LOXL2: variants seen among roughly 807,000 people sequenced by gnomAD.
The protein encoded by LOXL2 is lysyl oxidase homolog 2.
In LOXL2, 70 loss-of-function variants were observed where a neutral mutation model predicts 93.0. That is an observed-to-expected ratio of 0.75 (90% confidence interval 0.62 to 0.92). LOXL2 has a LOEUF of 0.92. LOXL2 is among the 40% of genes least tolerant of loss of function. The pLI is 0.00. For synonymous variants in LOXL2, 438 were observed against 413.2 expected, an observed-to-expected ratio of 1.06 and a Z score of -0.73; for missense variants, 973 against 1,054.9, an observed-to-expected ratio of 0.92 and a Z score of 1.08.
At chr8:23,317,956 GTAT>G (rs1227744778) in intron 8 of LOXL2, among the ~76,000 whole-genome samples, 1 of 99,148 alleles carries the variant, frequency 1.0e-5, no homozygotes, top group Admixed American at 9.3e-5. Flanking sequence ...GGCCTTGGAA[GTAT>G]TAGTATCTCA....
rs1452426202 is a variant in LOXL2, at chr8:23,319,050, T to G, written c.1470+835A>C. Among the ~76,000 whole-genome samples, 4 of 152,330 alleles carry G rather than the reference T, an allele frequency of 2.6e-5. No homozygotes were observed. The East Asian group carries it at 5.8e-4, about 22-fold the overall frequency. On this transcript the variant is annotated intron_variant, in intron 8 of 13. Coordinates refer to ENST00000389131, the MANE Select transcript of LOXL2 (RefSeq NM_002318.3). ...GGGGAAGGAGAGCTGGAGTCAGGGT[T>G]AACAACACAAGAGCAGGGTCTCCAA...
rs567951088 is a variant in LOXL2 at position 23,298,886 on chromosome 8, C to T, written c.2195G>A (p.Cys732Tyr). The change falls in exon 13 of 14, where the codon TGC (cysteine) becomes TAC (tyrosine). Residue 732 changes from cysteine (C) to tyrosine (Y), a missense_variant. By Grantham distance (194) the Cys-to-Tyr change is radical. Transcript: ENST00000389131. ...GCGGTGGCCGTCATAGCGGCTCCTG[C>T]ATTTCATGATGTTGTTGGAGTAATC... Reference protein sequence around the residue: ...ESDYSNNIMKCRSRYDGHRIW... With the variant: ...ESDYSNNIMKYRSRYDGHRIW... 3 of 1,614,064 alleles carry T rather than the reference C, an allele frequency of 1.9e-6. No individual in the cohort carries two copies. Among genetic ancestry groups the T allele is most frequent in the Non-Finnish European group, 2.5e-6 (3 of 1,179,958 alleles).
intron 1 of LOXL2, among the ~76,000 whole-genome samples, chr8:23,376,668 G>A (rs918253751): frequency 6.6e-6 from 1 of 152,154 alleles, no homozygotes; most frequent in African/African-American, 2.4e-5. Flanking sequence ...TTAGTCTTGG[G>A]AGAGTGTATG....
intron 12 of LOXL2, 141 bp downstream of exon 12, chr8:23,301,886 T>C: frequency 1.0e-6 from 1 of 1,004,184 alleles, no homozygotes; most frequent in Non-Finnish European, 1.5e-6. Flanking sequence ...TGATGGACCG[T>C]GATGGCCTCT....
At chr8:23,374,565 A>G (rs1344396157) in intron 1 of LOXL2, among the ~76,000 whole-genome samples, 2 of 152,228 alleles carry the variant, frequency 1.3e-5, no homozygotes, top group Non-Finnish European at 2.9e-5. Context: ...CAGTCCCACC[A>G]ACAGTGTAAA....
rs138150867 is a variant in LOXL2 at position 23,328,241 on chromosome 8, C to T, written c.1150+141G>A. Reference sequence around the variant, plus strand: ...CCTTTCAACTCTGTCTAGGGAGAGGCCTGGGATTCTCTCCCAGGCAGCCAC... The same window carrying T: ...CCTTTCAACTCTGTCTAGGGAGAGGTCTGGGATTCTCTCCCAGGCAGCCAC... On this transcript the variant is annotated intron_variant, in intron 6 of 13. Coordinates refer to ENST00000389131, the MANE Select transcript of LOXL2 (RefSeq NM_002318.3). 1.6e-4 allele frequency: 128 copies of T among 821,476 alleles called. No homozygotes were observed. In the African/African-American group the frequency reaches 1.6e-3, roughly 10 times the overall value. The allele number at this position is 821,476 out of a possible 1,614,324, so 50.9% of individuals were successfully genotyped here.
At chr8:23,305,639 G>T (rs1469703685) in intron 10 of LOXL2, among the ~76,000 whole-genome samples, 1 of 151,902 alleles carries the variant, frequency 6.6e-6, no homozygotes, top group Non-Finnish European at 1.5e-5. Context: ...CGTGACCCTT[G>T]GGCATCTAGG....
At chr8:23,336,417 G>C (rs1310740760) in intron 4 of LOXL2, 1 of 152,232 alleles carries the variant, frequency 6.6e-6, no homozygotes, top group East Asian at 1.9e-4. Flanking sequence ...TGCAGACGGA[G>C]GCCCACGGAG....
chr8:23,400,135 C>T (rs902848838), intron 1 of LOXL2, among the ~76,000 whole-genome samples: 5 of 152,188 alleles, frequency 3.3e-5, no homozygotes, highest in East Asian at 1.9e-4. Flanking sequence ...ATTTCTTCTT[C>T]GCTCCATTTC....
rs1157388906 is a variant in LOXL2, at chr8:23,303,378, C to T, written c.1900G>A (p.Val634Met). 6.2e-7 allele frequency: 1 copy of T among 1,610,858 alleles called. No individual in the cohort carries two copies. Among genetic ancestry groups the T allele is most frequent in the Admixed American group, 1.7e-5 (1 of 59,988 alleles). The stretch of plus-strand genomic sequence containing the variant: ...TTCAGCAGGTCATAGTGGGTGAACA[C>T]CTCCATGCTGTGGTAGTGCCTGGAG... ...DCHRHYHSME[V>M]FTHYDLLNLN... is the part of the protein sequence containing the mutation. Residue 634 changes from valine to methionine, a missense_variant, in exon 11 of 14, where the codon GTG becomes ATG. Val to Met is a conservative substitution (Grantham distance 21, BLOSUM62 1). Transcript: ENST00000389131.
chr8:23,390,185 C>T (rs190094071), intron 1 of LOXL2, among the ~76,000 whole-genome samples: 2 of 152,332 alleles, frequency 1.3e-5, no homozygotes, highest in South Asian at 2.1e-4. Flanking sequence ...CCAGAGCACA[C>T]TGTGGAGTGG....
At chr8:23,298,183 C>T (rs1020583984) in intron 13 of LOXL2, 61 bp from the exon 14 acceptor site, 2 of 1,364,900 alleles carry the variant, frequency 1.5e-6, no homozygotes, top group Admixed American at 1.7e-5. Flanking sequence ...CTTGCCTGAC[C>T]CTGAGCCAGG....
At position 23,321,218 on chromosome 8, in the gene LOXL2, G is replaced by A. The variant is rs79317637; in HGVS notation, c.1302+912C>T. Among the ~76,000 whole-genome samples the A allele has an allele frequency of 1.6e-3, 246 of 152,262 alleles. 6 individuals are homozygous for A. In the East Asian group the frequency reaches 0.041, roughly 26 times the overall value. Reference sequence around the variant, plus strand: ...TCTGGCTGCGGAATGTGGCTGCCTCGTTGCCTCTGGGGCCAGGAAAACACA... The same window carrying A: ...TCTGGCTGCGGAATGTGGCTGCCTCATTGCCTCTGGGGCCAGGAAAACACA... On this transcript the variant is annotated intron_variant, in intron 7 of 13. Transcript: ENST00000389131.
At chr8:23,313,701 A>G (rs1368831935) in intron 9 of LOXL2, among the ~76,000 whole-genome samples, 6 of 150,212 alleles carry the variant, frequency 4.0e-5, no homozygotes. Context: ...ACCCTAGAAG[A>G]AAACCTAGGC....
At chr8:23,397,590 A>G (rs1800106218) in intron 1 of LOXL2, among the ~76,000 whole-genome samples, 1 of 152,032 alleles carries the variant, frequency 6.6e-6, no homozygotes, top group South Asian at 2.1e-4. Context: ...CATCCTGGCT[A>G]ACACGGTGAA....
At chr8:23,337,925 T>C (rs188349210) in intron 4 of LOXL2, among the ~76,000 whole-genome samples, 228 of 152,302 alleles carry the variant, frequency 1.5e-3, no homozygotes, top group Non-Finnish European at 1.6e-3. Context: ...TGCAGGTAAC[T>C]GGAGGGTATT....
intron 1 of LOXL2, among the ~76,000 whole-genome samples, chr8:23,373,384 G>A (rs6557661): frequency 0.33 from 50,081 of 151,712 alleles, 8,428 homozygotes; most frequent in East Asian, 0.45. Flanking sequence ...CACCCAGGCT[G>A]AAGTGCAGTG....
chr8:23,402,175 GCA>G (rs887783724), intron 1 of LOXL2, among the ~76,000 whole-genome samples: 87 of 152,150 alleles, frequency 5.7e-4, no homozygotes, highest in African/African-American at 2.1e-3. Flanking sequence ...CACATTGCGT[GCA>G]CACACACGTG....
At chr8:23,306,483 T>C (rs981322618) in intron 10 of LOXL2, among the ~76,000 whole-genome samples, 1 of 152,092 alleles carries the variant, frequency 6.6e-6, no homozygotes, top group Non-Finnish European at 1.5e-5. Context: ...CACGCCCCCA[T>C]CCCCCTGTGC....
Sources: allele counts gnomAD v4.1 joint callset (sites outside exome capture counted in the v4.1 genomes callset), GRCh38; gene constraint gnomAD v4.1.1; transcripts MANE v1.5; gene names NCBI Gene and HGNC (gene_info 2026-07-23, HGNC 2026-07-21).